DPYSL3: variants seen among roughly 807,000 people sequenced by gnomAD.
DPYSL3 encodes dihydropyrimidinase-related protein 3.
A neutral mutation model predicts 66.1 loss-of-function variants in DPYSL3; 16 were observed. That is an observed-to-expected ratio of 0.24 (90% CI 0.16 to 0.37). DPYSL3 has a LOEUF of 0.37. DPYSL3 is among the 10% of genes least tolerant of loss of function. The pLI is 1.00. For missense variants in DPYSL3, 738 were observed against 916.2 expected (o/e 0.81, Z 2.51); for synonymous variants, 338 against 345.1 (o/e 0.98, Z 0.23).
intron 1 of DPYSL3, among the ~76,000 whole-genome samples, chr5:147,453,333 G>A (rs1752773863): frequency 2.6e-5 from 4 of 152,188 alleles, no homozygotes; most frequent in South Asian, 4.1e-4. Context: ...CACTGTTTGG[G>A]TTTCCTCTTT....
chr5:147,436,649 G>A (rs2126360444), intron 1 of DPYSL3, among the ~76,000 whole-genome samples: 1 of 152,206 alleles, frequency 6.6e-6, no homozygotes, highest in Admixed American at 6.5e-5. Flanking sequence ...ACTTAATAAA[G>A]AAAATTATAA....
At chr5:147,506,394 A>G (rs1753685795) in intron 1 of DPYSL3, among the ~76,000 whole-genome samples, 1 of 152,182 alleles carries the variant, frequency 6.6e-6, no homozygotes, top group South Asian at 2.1e-4. Context: ...CATGGAGACA[A>G]TAGTAAGTCA....
chr5:147,495,101 T>C (rs1482355779), intron 1 of DPYSL3, among the ~76,000 whole-genome samples: 2 of 152,102 alleles, frequency 1.3e-5, no homozygotes, highest in African/African-American at 4.8e-5. Flanking sequence ...CTCAGATGGA[T>C]TTCCTGGCGA....
At chr5:147,462,300 A>C (rs138041229) in intron 1 of DPYSL3, among the ~76,000 whole-genome samples, 1 of 152,282 alleles carries the variant, frequency 6.6e-6, no homozygotes, top group East Asian at 1.9e-4. Flanking sequence ...GGCTATGTTA[A>C]TTATCCTTTC....
intron 1 of DPYSL3, among the ~76,000 whole-genome samples, chr5:147,471,623 C>T (rs1753086822): frequency 6.6e-6 from 1 of 151,986 alleles, no homozygotes; most frequent in Non-Finnish European, 1.5e-5. Flanking sequence ...AGGTATCCAC[C>T]CATTTGGACA....
intron 3 of DPYSL3, among the ~76,000 whole-genome samples, chr5:147,416,421 C>G (rs761138274): frequency 5.9e-5 from 9 of 152,190 alleles, no homozygotes; most frequent in Non-Finnish European, 1.2e-4. Flanking sequence ...AAACCTGATA[C>G]TGGGCCCGCA....
intron 8 of DPYSL3, among the ~76,000 whole-genome samples, chr5:147,404,818 G>A (rs73794716): frequency 0.051 from 7,693 of 152,194 alleles, 666 homozygotes; most frequent in African/African-American, 0.18. Context: ...ATGCTTTGGA[G>A]ACCCACTCAA....
rs369550289 is a variant in DPYSL3 at position 147,489,144 on chromosome 5, C to T, written c.381+20334G>A. Among the ~76,000 whole-genome samples the T allele has an allele frequency of 1.8e-4, 27 of 152,314 alleles. No individual in the cohort carries two copies. The South Asian group carries it at 5.6e-3, about 32-fold the overall frequency. On this transcript the variant is annotated intron_variant, in intron 1 of 13. Transcript: ENST00000343218. Reference sequence around the variant, plus strand: ...ATCTCCTGGTGTCTTTCTAGGGCCTCCTAGCTTCTGATGTTTTCTGCTTTA... The same window carrying T: ...ATCTCCTGGTGTCTTTCTAGGGCCTTCTAGCTTCTGATGTTTTCTGCTTTA...
At chr5:147,457,788 G>A (rs1752874991) in intron 1 of DPYSL3, among the ~76,000 whole-genome samples, 1 of 152,164 alleles carries the variant, frequency 6.6e-6, no homozygotes, top group Non-Finnish European at 1.5e-5. Context: ...AGGCAACTCA[G>A]GTGACATTTA....
chr5:147,494,834 G>A (rs1014095443), intron 1 of DPYSL3, among the ~76,000 whole-genome samples: 2 of 150,362 alleles, frequency 1.3e-5, no homozygotes, highest in East Asian at 1.9e-4. Flanking sequence ...AGCCGAGATC[G>A]CGCCACTGCA....
rs752860766 is a variant in DPYSL3, at chr5:147,419,055, T to G, written c.471-424A>C. On this transcript the variant is annotated intron_variant, in intron 2 of 13. Transcript: ENST00000343218. ...TAGAAGAGACTGAAGAAGATAATAG[T>G]AAATCATTTAAAGAACAGGTATGGG... Among the ~76,000 whole-genome samples the G allele has an allele frequency of 9.2e-5, 14 of 152,170 alleles. No homozygotes were observed. The East Asian group carries it at 2.7e-3, about 29-fold the overall frequency.
At chr5:147,409,769 C>G (rs1751808921) in intron 6 of DPYSL3, among the ~76,000 whole-genome samples, 1 of 152,106 alleles carries the variant, frequency 6.6e-6, no homozygotes, top group African/African-American at 2.4e-5. Context: ...GCCTAGTGAC[C>G]TGGGAGTACT....
chr5:147,446,102 A>G (rs1168732968), intron 1 of DPYSL3, among the ~76,000 whole-genome samples: 1 of 152,200 alleles, frequency 6.6e-6, no homozygotes, highest in Non-Finnish European at 1.5e-5. Context: ...TTTCCCTCAC[A>G]GGAAGGCCTT....
At position 147,453,722 on chromosome 5, in the gene DPYSL3, C is replaced by T. The variant is rs1205737855; in HGVS notation, c.382-28759G>A. The T allele has an allele frequency of 7.6e-6, 10 of 1,317,898 alleles. No homozygotes were observed. In the South Asian group the frequency reaches 1.1e-4, roughly 14 times the overall value. The allele number at this position is 1,317,898 out of a possible 1,614,324, so 81.6% of individuals were successfully genotyped here. On this transcript the variant is annotated intron_variant, in intron 1 of 13. Transcript: ENST00000343218. The stretch of plus-strand genomic sequence containing the variant: ...CGCTGGCCGCGCCGCCGCCTCCGCC[C>T]GCCTCCGCCCCCCTCCCGGGCTCCC...
Position 147,395,566 on chromosome 5 carries a change from G to A in DPYSL3, c.1959C>T (p.Ser653=). The stretch of plus-strand genomic sequence containing the variant: ...TGAGCCTGTCCCACTCACCTGACAG[G>A]CTAAATCCCGACTGATGAAGATTCC... ...PVRNLHQSGF[S]LSGTQVDEGV... Residue 653 remains serine, a synonymous_variant, in exon 13 of 14, where the codon AGC becomes AGT. Transcript: ENST00000343218. The A allele has an allele frequency of 6.2e-7, 1 of 1,611,710 alleles. No homozygotes were observed.
At position 147,391,672 on chromosome 5, in the gene DPYSL3, C is replaced by T. The variant is rs1757808467; in HGVS notation, c.*2363G>A. On this transcript the variant is annotated 3_prime_UTR_variant, in exon 14 of 14. Transcript: ENST00000343218. ...GTTTGATGTGTCTTATGAAACGAAACAAATCTGAATATAAATTTTAAAATA... is the reference window on the plus strand; with the variant it reads ...GTTTGATGTGTCTTATGAAACGAAATAAATCTGAATATAAATTTTAAAATA... The T allele has an allele frequency of 6.6e-6, 1 of 152,134 alleles. No homozygotes were observed. Among genetic ancestry groups the T allele is most frequent in the Non-Finnish European group, 1.5e-5 (1 of 68,028 alleles). 9.4% of individuals were successfully genotyped at this position (152,134 alleles called of 1,614,324 possible).
At chr5:147,452,358 G>A (rs897562184) in intron 1 of DPYSL3, among the ~76,000 whole-genome samples, 1 of 151,830 alleles carries the variant, frequency 6.6e-6, no homozygotes, top group African/African-American at 2.4e-5. Flanking sequence ...GCCCTAGGGC[G>A]GCTGCAGAGC....
At chr5:147,413,740 G>A (rs776758587) in intron 4 of DPYSL3, 83 bp from the exon 5 acceptor site, 34 of 1,109,520 alleles carry the variant, frequency 3.1e-5, no homozygotes, top group African/African-American at 7.8e-5. Flanking sequence ...CACTTCCATC[G>A]ACCATAGCAC....
intron 1 of DPYSL3, among the ~76,000 whole-genome samples, chr5:147,481,300 A>G (rs1234216822): frequency 6.6e-6 from 1 of 152,240 alleles, no homozygotes; most frequent in East Asian, 1.9e-4. Flanking sequence ...ATTTAAAATC[A>G]TATGATAGAA....
Sources: allele counts gnomAD v4.1 joint callset (sites outside exome capture counted in the v4.1 genomes callset), GRCh38; gene constraint gnomAD v4.1.1; transcripts MANE v1.5; gene names NCBI Gene and HGNC (gene_info 2026-07-23, HGNC 2026-07-21).